PCDH9: variants seen among roughly 807,000 people sequenced by gnomAD.
PCDH9 encodes protocadherin-9.
In PCDH9, 24 loss-of-function variants were observed where a neutral mutation model predicts 70.6. That is an observed-to-expected ratio of 0.34 (90% CI 0.25 to 0.48). The LOEUF (loss-of-function observed/expected upper bound fraction) is 0.48, where lower values mean the gene tolerates loss of function less well. PCDH9 is among the 20% of genes least tolerant of loss of function. The pLI is 0.99. For synonymous variants in PCDH9, 562 were observed against 558.5 expected (o/e 1.01, Z -0.09); for missense variants, 1,281 against 1,503.6 (o/e 0.85, Z 2.45).
At chr13:66,630,305 C>A (rs948727312) in intron 4 of PCDH9, among the ~76,000 whole-genome samples, 1 of 152,018 alleles carries the variant, frequency 6.6e-6, no homozygotes, top group Non-Finnish European at 1.5e-5. Context: ...GCATAGCTTT[C>A]CCCACCATGA....
At chr13:66,437,015 A>G (rs74093098) in intron 4 of PCDH9, among the ~76,000 whole-genome samples, 5,283 of 151,786 alleles carry the variant, frequency 0.035, 277 homozygotes, top group African/African-American at 0.12. Flanking sequence ...ATGATCAAGC[A>G]GATCACAGTT....
chr13:66,937,135 A>G (rs1371471410), intron 2 of PCDH9, among the ~76,000 whole-genome samples: 1 of 152,228 alleles, frequency 6.6e-6, no homozygotes, highest in African/African-American at 2.4e-5. Flanking sequence ...ATACTGCCCT[A>G]TCCATTTAAA....
chr13:67,110,016 C>A (rs944578004), intron 2 of PCDH9, among the ~76,000 whole-genome samples: 5 of 151,944 alleles, frequency 3.3e-5, no homozygotes, highest in African/African-American at 1.2e-4. Flanking sequence ...ATACATCGGT[C>A]CTTGATTTCA....
At chr13:66,771,507 T>C (rs1463570527) in intron 3 of PCDH9, among the ~76,000 whole-genome samples, 1 of 152,320 alleles carries the variant, frequency 6.6e-6, no homozygotes, top group East Asian at 1.9e-4. Context: ...AGTACAATAG[T>C]AGTAATTCAA....
At chr13:67,076,626 T>C (rs572867880) in intron 2 of PCDH9, among the ~76,000 whole-genome samples, 12 of 152,240 alleles carry the variant, frequency 7.9e-5, no homozygotes, top group African/African-American at 2.9e-4. Context: ...AGCTAAACTA[T>C]GAGGAAGGGA....
intron 3 of PCDH9, among the ~76,000 whole-genome samples, chr13:66,898,833 G>GT (rs1413718994): frequency 6.6e-6 from 1 of 151,878 alleles, no homozygotes; most frequent in Non-Finnish European, 1.5e-5. Context: ...AAACAATAGA[G>GT]TTCTAGGCTG....
chr13:66,662,968 A>C (rs1179407172), intron 3 of PCDH9, among the ~76,000 whole-genome samples: 2 of 152,240 alleles, frequency 1.3e-5, no homozygotes, highest in Non-Finnish European at 2.9e-5. Flanking sequence ...AGATTTAAAA[A>C]GAAATAACAG....
chr13:66,575,741 C>A (rs1359709251), intron 4 of PCDH9, among the ~76,000 whole-genome samples: 1 of 152,058 alleles, frequency 6.6e-6, no homozygotes, highest in Non-Finnish European at 1.5e-5. Context: ...CCAACTATAT[C>A]ACGTTATATC....
chr13:66,570,358 GA>G, intron 4 of PCDH9, among the ~76,000 whole-genome samples: 1 of 152,100 alleles, frequency 6.6e-6, no homozygotes, highest in Non-Finnish European at 1.5e-5. Context: ...TACTTTGGTG[GA>G]TACATGAAAC....
chr13:66,665,793 C>T (rs952606254), intron 3 of PCDH9, among the ~76,000 whole-genome samples: 2 of 151,662 alleles, frequency 1.3e-5, no homozygotes, highest in Admixed American at 6.6e-5. Context: ...TCATCCTTCA[C>T]GGAAGAGTAA....
chr13:66,958,663 A>T (rs1208114774), intron 2 of PCDH9, among the ~76,000 whole-genome samples: 2 of 152,152 alleles, frequency 1.3e-5, no homozygotes, highest in African/African-American at 4.8e-5. Flanking sequence ...AATTTTTTTT[A>T]AGTTTTTGTT....
At chr13:66,669,229 C>T (rs142920061) in intron 3 of PCDH9, among the ~76,000 whole-genome samples, 91 of 152,232 alleles carry the variant, frequency 6.0e-4, no homozygotes, top group African/African-American at 2.1e-3. Context: ...CTAACGCTAC[C>T]TATCTCCTAA....
chr13:66,455,982 C>T (rs1177173499), intron 4 of PCDH9, among the ~76,000 whole-genome samples: 1 of 152,086 alleles, frequency 6.6e-6, no homozygotes, highest in African/African-American at 2.4e-5. Context: ...AACGATGTCG[C>T]ATGAATATAT....
chr13:66,402,607 T>C (rs1310101675), intron 4 of PCDH9, among the ~76,000 whole-genome samples: 5 of 152,164 alleles, frequency 3.3e-5, no homozygotes, highest in Admixed American at 1.3e-4. Context: ...GCAGCAGAGA[T>C]GTCACTATTA....
chr13:66,684,505 C>G (rs1318162302), intron 3 of PCDH9, among the ~76,000 whole-genome samples: 2 of 152,132 alleles, frequency 1.3e-5, no homozygotes, highest in African/African-American at 4.8e-5. Flanking sequence ...CTGTCCTTGA[C>G]AGTGAATGAG....
chr13:66,502,133 C>G (rs982794617), intron 4 of PCDH9, among the ~76,000 whole-genome samples: 1 of 152,072 alleles, frequency 6.6e-6, no homozygotes, highest in Non-Finnish European at 1.5e-5. Flanking sequence ...TTGAAATATG[C>G]CTAGTGGCTA....
intron 2 of PCDH9, among the ~76,000 whole-genome samples, chr13:67,065,571 T>C (rs2085631247): frequency 6.6e-6 from 1 of 152,162 alleles, no homozygotes; most frequent in Non-Finnish European, 1.5e-5. Context: ...CATAATAGTA[T>C]AGTTTAGAGG....
chr13:67,003,878 G>C (rs749852177), intron 2 of PCDH9, among the ~76,000 whole-genome samples: 51 of 152,136 alleles, frequency 3.4e-4, no homozygotes, highest in Admixed American at 2.0e-3. Context: ...TCCTTAAAAG[G>C]TATATCTGTC....
At chr13:67,092,201 T>A (rs2086231163) in intron 2 of PCDH9, among the ~76,000 whole-genome samples, 2 of 152,222 alleles carry the variant, frequency 1.3e-5, no homozygotes, top group Admixed American at 1.3e-4. Context: ...AATGGAATTT[T>A]AAATTTCTTT....
Sources: allele counts gnomAD v4.1 joint callset (sites outside exome capture counted in the v4.1 genomes callset), GRCh38; gene constraint gnomAD v4.1.1; transcripts MANE v1.5; gene names NCBI Gene and HGNC (gene_info 2026-07-23, HGNC 2026-07-21).